SGCZ: variants seen among roughly 807,000 people sequenced by gnomAD.
SGCZ encodes the protein zeta-sarcoglycan.
In SGCZ, 40 loss-of-function variants were observed where a neutral mutation model predicts 41.3. The observed-to-expected ratio is 0.97, with a 90% CI of 0.75 to 1.26. The LOEUF (loss-of-function observed/expected upper bound fraction) is 1.26, where lower values mean the gene tolerates loss of function less well. SGCZ is among the 50% of genes most tolerant of loss of function. The pLI is 0.00. For synonymous variants in SGCZ, 206 were observed against 137.5 expected, an observed-to-expected ratio of 1.50 and a Z score of -3.49; for missense variants, 552 against 369.8, an observed-to-expected ratio of 1.49 and a Z score of -4.04.
intron 1 of SGCZ, among the ~76,000 whole-genome samples, chr8:14,951,765 C>T (rs575043647): frequency 1.1e-4 from 16 of 151,922 alleles, no homozygotes; most frequent in East Asian, 5.8e-4. Flanking sequence ...TGTATCTGTG[C>T]GTATAAAAAT....
chr8:14,236,904 AAATTAATACTTCACCATT>A lies in SGCZ; in HGVS notation c.424+670_424+687del, dbSNP rs1806783113. Among the ~76,000 whole-genome samples, 2 of 151,776 alleles carry A rather than the reference AAATTAATACTTCACCATT, an allele frequency of 1.3e-5. 1 individual carries two copies. The highest frequency in any genetic ancestry group is 4.2e-4 in the South Asian group (2 of 4,778). ...AAAATATTTATTTGCTATGAGAAAA[AAATTAATACTTCACCATT>A]AATTTATATTAACAACACATAAAGC... On this transcript the variant is annotated intron_variant, in intron 4 of 7. Coordinates refer to ENST00000382080, the MANE Select transcript of SGCZ (RefSeq NM_139167.4).
chr8:14,676,346 A>ATGTGTGTGTGTGTGTGTG (rs33909996), intron 1 of SGCZ, among the ~76,000 whole-genome samples: 3,094 of 149,326 alleles, frequency 0.021, 40 homozygotes, highest in Non-Finnish European at 0.027. Context: ...AATGAAATAG[A>ATGTGTGTGTGTGTGTGTG]TGTGTGTGTG....
At chr8:15,183,327 T>A (rs1173984919) in intron 1 of SGCZ, among the ~76,000 whole-genome samples, 1 of 152,080 alleles carries the variant, frequency 6.6e-6, no homozygotes, top group African/African-American at 2.4e-5. Flanking sequence ...TACACCAGCA[T>A]TACTACAAAC....
At chr8:14,943,796 GT>G in intron 1 of SGCZ, among the ~76,000 whole-genome samples, 1 of 152,146 alleles carries the variant, frequency 6.6e-6, no homozygotes, top group African/African-American at 2.4e-5. Context: ...TATTCTCATG[GT>G]TTAGCTCCCA....
chr8:14,962,455 A>G (rs1800994993), intron 1 of SGCZ, among the ~76,000 whole-genome samples: 1 of 152,022 alleles, frequency 6.6e-6, no homozygotes, highest in Non-Finnish European at 1.5e-5. Context: ...TGTGTGTTCT[A>G]TTTTTATTTA....
At position 14,505,330 on chromosome 8, in the gene SGCZ, C is replaced by T. The variant is rs1287878961; in HGVS notation, c.234+49402G>A. On this transcript the variant is annotated intron_variant, in intron 2 of 7. Transcript: ENST00000382080. ...GATGCAAGTGTAAGGACATAAAATG[C>T]CCCAGAGTAAAGAGCGCCAGTTACC... is the stretch of plus-strand genomic sequence containing the variant. 2.6e-5 allele frequency among the ~76,000 whole-genome samples: 4 copies of T among 152,036 alleles called. No homozygotes were observed. The East Asian group carries it at 5.8e-4, about 22-fold the overall frequency.
intron 2 of SGCZ, among the ~76,000 whole-genome samples, chr8:14,547,263 G>C (rs976018758): frequency 2.6e-5 from 4 of 152,128 alleles, no homozygotes; most frequent in Non-Finnish European, 5.9e-5. Flanking sequence ...TTTTCAAGAT[G>C]TTTCAAAAGA....
intron 2 of SGCZ, among the ~76,000 whole-genome samples, chr8:14,476,290 G>C (rs1801358625): frequency 6.6e-6 from 1 of 152,028 alleles, no homozygotes; most frequent in Admixed American, 6.6e-5. Context: ...TGCCCCAAGA[G>C]AACAAAAAGC....
intron 1 of SGCZ, among the ~76,000 whole-genome samples, chr8:15,132,469 T>C (rs1207266200): frequency 6.6e-6 from 1 of 152,174 alleles, no homozygotes; most frequent in African/African-American, 2.4e-5. Flanking sequence ...CATGAATGAA[T>C]AGATGCATGC....
chr8:14,183,461 A>C (rs891512821), intron 4 of SGCZ, among the ~76,000 whole-genome samples: 1 of 152,222 alleles, frequency 6.6e-6, no homozygotes, highest in African/African-American at 2.4e-5. Context: ...AATAAAAATT[A>C]CAAGATAATT....
intron 2 of SGCZ, among the ~76,000 whole-genome samples, chr8:14,458,291 G>T (rs940795331): frequency 1.3e-5 from 2 of 152,124 alleles, no homozygotes; most frequent in African/African-American, 2.4e-5. Context: ...GGAAAAGAGT[G>T]AACTACCCTA....
At position 15,196,642 on chromosome 8, in the gene SGCZ, A is replaced by C. The variant is rs529571771; in HGVS notation, c.39+40943T>G. Among the ~76,000 whole-genome samples, 670 of 151,082 alleles carry C rather than the reference A, an allele frequency of 4.4e-3. 6 individuals carry two copies. The highest frequency in any genetic ancestry group is 0.015 in the African/African-American group (634 of 41,316). On this transcript the variant is annotated intron_variant, in intron 1 of 7. Transcript: ENST00000382080. Reference sequence around the variant, plus strand: ...ATTTCTTTTATTTATTTATTTATTTATTATTATTATACTTTAAGTTTTAGG... The same window carrying C: ...ATTTCTTTTATTTATTTATTTATTTCTTATTATTATACTTTAAGTTTTAGG...
chr8:14,376,632 G>A (rs920214252), intron 2 of SGCZ, among the ~76,000 whole-genome samples: 4 of 151,962 alleles, frequency 2.6e-5, no homozygotes, highest in East Asian at 3.9e-4. Flanking sequence ...TTGTTCCAGA[G>A]CATAGAAGCT....
At chr8:14,099,762 T>C (rs1260214669) in intron 7 of SGCZ, among the ~76,000 whole-genome samples, 2 of 152,196 alleles carry the variant, frequency 1.3e-5, no homozygotes, top group Non-Finnish European at 2.9e-5. Flanking sequence ...TTCTTTGATC[T>C]TGTGGTATAT....
intron 3 of SGCZ, chr8:14,309,747 C>G (rs1801466413): frequency 6.3e-6 from 10 of 1,589,298 alleles, no homozygotes; most frequent in Non-Finnish European, 2.6e-6. Context: ...ACCAAAGCCT[C>G]TTCAAAAAGC....
At chr8:14,461,377 C>A (rs374913465) in intron 2 of SGCZ, among the ~76,000 whole-genome samples, 1 of 152,104 alleles carries the variant, frequency 6.6e-6, no homozygotes, top group African/African-American at 2.4e-5. Context: ...ATTGCAATAT[C>A]CCCAATGTCT....
In SGCZ at chr8:14,788,029, T is replaced by C. The variant is rs2256685; in HGVS notation, c.40-233103A>G. 4.0e-3 allele frequency among the ~76,000 whole-genome samples: 613 copies of C among 152,250 alleles called. 6 individuals are homozygous for C. Among genetic ancestry groups the C allele is most frequent in the African/African-American group, 0.013 (554 of 41,530 alleles). ...TCTAGACAAGCTCTTCATTTTTTAT[T>C]CCAAAAATGTTGCTAGATTCTGGAA... On this transcript the variant is annotated intron_variant, in intron 1 of 7. Coordinates refer to ENST00000382080, the MANE Select transcript of SGCZ (RefSeq NM_139167.4).
chr8:14,725,827 GAAT>G (rs1810029808), intron 1 of SGCZ, among the ~76,000 whole-genome samples: 1 of 152,092 alleles, frequency 6.6e-6, no homozygotes, highest in Admixed American at 6.5e-5. Flanking sequence ...GACTTTATTA[GAAT>G]AATGTGTGGT....
intron 1 of SGCZ, among the ~76,000 whole-genome samples, chr8:15,165,257 T>C (rs989725437): frequency 2.0e-5 from 3 of 152,096 alleles, no homozygotes; most frequent in Non-Finnish European, 4.4e-5. Flanking sequence ...ACTGCTGCAC[T>C]CCAGCCTGGG....
Sources: gnomAD v4.1 joint callset for allele counts (sites outside exome capture counted in the v4.1 genomes callset) on GRCh38, gnomAD v4.1.1 for gene constraint, MANE v1.5 for transcripts, NCBI Gene and HGNC (gene_info 2026-07-23, HGNC 2026-07-21) for gene names.